Variants in KATNIP observed in about 807,000 individuals in gnomAD.
KATNIP encodes the protein katanin interacting protein.
In KATNIP, 126 loss-of-function variants were observed where a neutral mutation model predicts 174.0. The observed-to-expected ratio is 0.72, with a 90% confidence interval of 0.63 to 0.84. The LOEUF (loss-of-function observed/expected upper bound fraction) is 0.84. Ranked by LOEUF, KATNIP falls within the 40% of genes least tolerant of loss-of-function variation. The pLI, the probability that KATNIP is intolerant of heterozygous loss-of-function variation, is 0.00. For synonymous variants in KATNIP, 810 were observed against 835.7 expected, an observed-to-expected ratio of 0.97 and a Z score of 0.53; for missense variants, 1,958 against 2,109.7, an observed-to-expected ratio of 0.93 and a Z score of 1.41.
At chr16:27,618,353 GT>G in intron 2 of KATNIP, 71 bp from the exon 3 acceptor site, 1 of 1,205,988 alleles carries the variant, frequency 8.3e-7, no homozygotes, top group African/African-American at 1.5e-5. Context: ...GCGCCGGTGT[GT>G]GCTGCACCTG....
chr16:27,762,815 G>C (rs369415816), intron 19 of KATNIP, among the ~76,000 whole-genome samples: 2 of 152,152 alleles, frequency 1.3e-5, no homozygotes, highest in African/African-American at 4.8e-5. Context: ...TTTAGGCTTG[G>C]AGCCTGGAGA....
chr16:27,591,725 T>G (rs1200011783), intron 2 of KATNIP, among the ~76,000 whole-genome samples: 2 of 152,238 alleles, frequency 1.3e-5, no homozygotes, highest in East Asian at 3.8e-4. Flanking sequence ...TGTCTTAGTC[T>G]GAGCAAATAT....
In KATNIP at chr16:27,751,905, G is replaced by T; in HGVS notation, c.3533G>T (p.Gly1178Val). 1 of 1,610,874 alleles carries T rather than the reference G, an allele frequency of 6.2e-7. No individual in the cohort carries two copies. The highest frequency in any genetic ancestry group is 8.5e-7 in the Non-Finnish European group (1 of 1,179,436). The change falls in exon 17 of 28, where the codon GGC (glycine) becomes GTC (valine). Residue 1178 changes from glycine (G) to valine (V), a missense_variant. By Grantham distance (109) the Gly-to-Val change is moderately radical. Around this residue, in one of 3 missense-constraint regions of KATNIP, gnomAD observed 1,557 missense variants for 1,617.8 expected, o/e 0.96. Transcript: ENST00000261588. ...EGDERPFTQA[G>V]LGADERIPEL... ...GATGAGCGGCCCTTCACCCAGGCTG[G>T]CTTGGGGGCTGATGAACGGGTAGGA... is the stretch of plus-strand genomic sequence containing the variant.
At chr16:27,681,574 C>T (rs1251904925) in intron 8 of KATNIP, 44 bp downstream of exon 8, 1 of 1,611,866 alleles carries the variant, frequency 6.2e-7, no homozygotes, top group East Asian at 2.2e-5. Context: ...AGGGCTGCGA[C>T]TGGGTCACTC....
Position 27,777,788 on chromosome 16 carries a change from C to A in KATNIP, c.4712+18C>A. ...ACCATCAGGTAGGGCCCCAGCCGGC[C>A]CCATGGCCTCCCCACCAGCCCTAAG... On this transcript the variant is annotated intron_variant, in intron 26 of 27. Coordinates refer to ENST00000261588, the MANE Select transcript of KATNIP (RefSeq NM_015202.5). This position sits in a 1 kb window ranked among gnomAD's most constrained non-coding sequence, Gnocchi z 4.4. 6.2e-7 allele frequency: 1 copy of A among 1,612,762 alleles called. No homozygotes were observed. Among genetic ancestry groups the A allele is most frequent in the Non-Finnish European group, 8.5e-7 (1 of 1,179,066 alleles).
At chr16:27,720,311 G>C (rs934341058) in intron 13 of KATNIP, among the ~76,000 whole-genome samples, 1 of 151,400 alleles carries the variant, frequency 6.6e-6, no homozygotes, top group Non-Finnish European at 1.5e-5. Context: ...GGCTGGTCTC[G>C]AGCTCCTGAC....
intron 6 of KATNIP, 74 bp downstream of exon 6, chr16:27,648,809 G>T (rs2077039072): frequency 6.6e-7 from 1 of 1,510,994 alleles, no homozygotes; most frequent in Admixed American, 2.0e-5. Context: ...GGCCCCTCGG[G>T]GCACTTTCTG....
intron 6 of KATNIP, among the ~76,000 whole-genome samples, chr16:27,657,155 A>G (rs1284910210): frequency 6.6e-6 from 1 of 152,150 alleles, no homozygotes; most frequent in Non-Finnish European, 1.5e-5. Context: ...CTCTGGAGAC[A>G]CATGCTGAAG....
intron 14 of KATNIP, among the ~76,000 whole-genome samples, chr16:27,725,008 T>G (rs9929051): frequency 0.18 from 28,042 of 152,116 alleles, 2,958 homozygotes; most frequent in African/African-American, 0.29. Context: ...ACTTGGTGAT[T>G]CTGTAAGTGT....
rs115010469 is a variant in KATNIP, at chr16:27,619,729, C to A, written c.140+1228C>A. ...ACCCACCCACTTTCCAGATACCTAC[C>A]TACTGAGGCAGCACCACCCCTGGTA... On this transcript the variant is annotated intron_variant, in intron 3 of 27. Coordinates refer to ENST00000261588, the MANE Select transcript of KATNIP (RefSeq NM_015202.5). Among the ~76,000 whole-genome samples the A allele has an allele frequency of 2.4e-3, 361 of 152,268 alleles. 1 individual carries two copies. The highest frequency in any genetic ancestry group is 8.4e-3 in the African/African-American group (348 of 41,552).
At chr16:27,560,757 G>A (rs1477189924) in intron 1 of KATNIP, among the ~76,000 whole-genome samples, 1 of 152,196 alleles carries the variant, frequency 6.6e-6, no homozygotes, top group East Asian at 1.9e-4. Flanking sequence ...ACAGGGACGA[G>A]CTCTATGCTT....
At chr16:27,645,734 C>G (rs1282976444) in intron 5 of KATNIP, among the ~76,000 whole-genome samples, 1 of 152,218 alleles carries the variant, frequency 6.6e-6, no homozygotes, top group Admixed American at 6.5e-5. Context: ...ATCCCATCCA[C>G]ATTCCGGTCA....
chr16:27,571,965 C>T (rs985967285), intron 1 of KATNIP, among the ~76,000 whole-genome samples: 7 of 152,182 alleles, frequency 4.6e-5, no homozygotes, highest in Non-Finnish European at 1.0e-4. Flanking sequence ...ACAATCAAAT[C>T]TCTTGATCCC....
chr16:27,678,484 C>T (rs1334620663), intron 7 of KATNIP, among the ~76,000 whole-genome samples: 7 of 152,090 alleles, frequency 4.6e-5, no homozygotes, highest in African/African-American at 1.7e-4. Context: ...CTCTTGCTCT[C>T]CTCCTTCTCT....
chr16:27,618,292 G>A (rs1272785419), intron 2 of KATNIP, 133 bp from the exon 3 acceptor site: 5 of 668,150 alleles, frequency 7.5e-6, no homozygotes, highest in Non-Finnish European at 1.4e-5. Context: ...GGAGCAATGC[G>A]CCTGGGGTGT....
intron 2 of KATNIP, among the ~76,000 whole-genome samples, chr16:27,580,145 C>A (rs1348539174): frequency 6.6e-6 from 1 of 152,130 alleles, no homozygotes; most frequent in African/African-American, 2.4e-5. Flanking sequence ...CAGGGTCTCG[C>A]TGTGTTACCC....
At chr16:27,689,555 G>A (rs953518529) in intron 8 of KATNIP, among the ~76,000 whole-genome samples, 5 of 152,136 alleles carry the variant, frequency 3.3e-5, no homozygotes, top group Admixed American at 3.3e-4. Context: ...CCGCACTCCT[G>A]GGCTCAGGGA....
intron 1 of KATNIP, among the ~76,000 whole-genome samples, chr16:27,566,798 G>A (rs868192058): frequency 9.2e-4 from 140 of 152,260 alleles, no homozygotes; most frequent in African/African-American, 3.2e-3. Flanking sequence ...TATCACCCGG[G>A]GAAGAAGCTG....
chr16:27,627,658 A>G (rs2076374971), intron 3 of KATNIP, among the ~76,000 whole-genome samples: 1 of 152,252 alleles, frequency 6.6e-6, no homozygotes, highest in South Asian at 2.1e-4. Flanking sequence ...TTAGGTTTTT[A>G]GAACAGAGTT....
Sources: allele counts gnomAD v4.1 joint callset (sites outside exome capture counted in the v4.1 genomes callset), GRCh38; gene constraint gnomAD v4.1.1; regional missense constraint gnomAD v4.1.1; non-coding constraint Gnocchi (gnomAD v3.1); transcripts MANE v1.5; gene names NCBI Gene and HGNC (gene_info 2026-07-23, HGNC 2026-07-21).